The following CNTN1 variants were observed in gnomAD, a reference collection of about 807,000 sequenced individuals.
CNTN1 encodes contactin 1, also known as contactin-1.
A neutral mutation model predicts 126.4 loss-of-function variants in CNTN1; 38 were observed. The observed-to-expected ratio is 0.30, with a 90% confidence interval of 0.23 to 0.39. The LOEUF (loss-of-function observed/expected upper bound fraction) is 0.39, where lower values mean the gene tolerates loss of function less well. Ranked by LOEUF, CNTN1 falls within the 10% of genes least tolerant of loss-of-function variation. CNTN1 has a pLI of 1.00. For missense variants in CNTN1, 1,009 were observed against 1,248.4 expected (o/e 0.81, Z 2.89); for synonymous variants, 413 against 422.6 (o/e 0.98, Z 0.28).
intron 1 of CNTN1, among the ~76,000 whole-genome samples, chr12:40,889,918 A>G (rs12297672): frequency 3.3e-5 from 5 of 151,996 alleles, no homozygotes; most frequent in Non-Finnish European, 7.4e-5. Flanking sequence ...AATTTTGAAG[A>G]TTAAAGGTAT....
chr12:40,856,554 A>G (rs1256474124), intron 1 of CNTN1, among the ~76,000 whole-genome samples: 7 of 152,164 alleles, frequency 4.6e-5, no homozygotes, highest in Admixed American at 1.3e-4. Context: ...AGATGCAGAG[A>G]AAGCACAAAG....
chr12:40,750,241 G>T (rs1938353317), intron 1 of CNTN1, among the ~76,000 whole-genome samples: 1 of 152,042 alleles, frequency 6.6e-6, no homozygotes, highest in Non-Finnish European at 1.5e-5. Context: ...AATCAGGTTT[G>T]CATGATGATG....
chr12:40,935,428 T>A (rs1228550379), intron 9 of CNTN1, among the ~76,000 whole-genome samples: 4 of 152,036 alleles, frequency 2.6e-5, no homozygotes, highest in African/African-American at 9.7e-5. Flanking sequence ...TTACAGAAGG[T>A]AATTTAAGAG....
intron 14 of CNTN1, among the ~76,000 whole-genome samples, chr12:40,952,992 T>C (rs1946744640): frequency 6.6e-6 from 1 of 152,168 alleles, no homozygotes. Flanking sequence ...GAGCTCTAAG[T>C]TTTATCTAGA....
chr12:40,739,260 A>T (rs987925621), intron 1 of CNTN1, among the ~76,000 whole-genome samples: 1 of 152,056 alleles, frequency 6.6e-6, no homozygotes, highest in African/African-American at 2.4e-5. Flanking sequence ...AAAAACTTGG[A>T]TAGTCAATAA....
intron 23 of CNTN1, among the ~76,000 whole-genome samples, chr12:41,063,582 C>T (rs751973338): frequency 1.3e-4 from 20 of 152,130 alleles, no homozygotes; most frequent in Admixed American, 3.3e-4. Context: ...GGCAAAGTAC[C>T]GTTCCTCCTG....
At chr12:41,004,755 C>T (rs932755413) in intron 17 of CNTN1, among the ~76,000 whole-genome samples, 1 of 152,138 alleles carries the variant, frequency 6.6e-6, no homozygotes, top group Admixed American at 6.5e-5. Flanking sequence ...ATTGCAAACC[C>T]TACTTTTTAC....
Position 41,024,378 on chromosome 12 carries a change from C to A in CNTN1, c.2524-772C>A, listed in dbSNP as rs564680829. 9.2e-5 allele frequency among the ~76,000 whole-genome samples: 14 copies of A among 151,686 alleles called. No individual in the cohort carries two copies. The South Asian group carries it at 2.9e-3, about 32-fold the overall frequency. On this transcript the variant is annotated intron_variant, in intron 20 of 23. Coordinates refer to ENST00000551295, the MANE Select transcript of CNTN1 (RefSeq NM_001843.4). ...CATATTTTTATTCATTTTATTCATACCTTAGATATAATTATAAATCTTGAA... is the reference window on the plus strand; with the variant it reads ...CATATTTTTATTCATTTTATTCATAACTTAGATATAATTATAAATCTTGAA...
At chr12:40,905,235 A>C (rs1944766299) in intron 1 of CNTN1, among the ~76,000 whole-genome samples, 1 of 152,182 alleles carries the variant, frequency 6.6e-6, no homozygotes, top group Non-Finnish European at 1.5e-5. Context: ...ATTTACTGAG[A>C]TATCTTGCTG....
Position 40,866,317 on chromosome 12 carries a change from A to G in CNTN1, c.-76-42040A>G, listed in dbSNP as rs542033648. 1.2e-3 allele frequency among the ~76,000 whole-genome samples: 189 copies of G among 151,998 alleles called. 1 individual carries two copies. Among genetic ancestry groups the G allele is most frequent in the Non-Finnish European group, 2.1e-3 (143 of 67,944 alleles). On this transcript the variant is annotated intron_variant, in intron 1 of 23. Coordinates refer to ENST00000551295, the MANE Select transcript of CNTN1 (RefSeq NM_001843.4). The stretch of plus-strand genomic sequence containing the variant: ...TTTATTTTATTTCTATTTCTTATCT[A>G]TTTGCTCTGTCCAGAACTTTCAGTA...
At chr12:40,777,579 T>TA (rs1939638785) in intron 1 of CNTN1, among the ~76,000 whole-genome samples, 1 of 151,812 alleles carries the variant, frequency 6.6e-6, no homozygotes, top group Non-Finnish European at 1.5e-5. Context: ...TCCTTCTTTT[T>TA]AAAAAAGTCA....
intron 1 of CNTN1, among the ~76,000 whole-genome samples, chr12:40,751,093 G>A (rs574332973): frequency 6.6e-6 from 1 of 152,066 alleles, no homozygotes; most frequent in Non-Finnish European, 1.5e-5. Context: ...CATTTATAGA[G>A]TGTTCAGTTT....
chr12:40,952,495 T>A (rs1251367814), intron 14 of CNTN1, among the ~76,000 whole-genome samples: 1 of 152,086 alleles, frequency 6.6e-6, no homozygotes, highest in East Asian at 1.9e-4. Flanking sequence ...GCAGTAACAA[T>A]AGAAGTTATA....
chr12:40,924,365 C>CATA (rs1270639378), intron 5 of CNTN1, among the ~76,000 whole-genome samples, 192 bp from the exon 6 acceptor site: 1 of 152,038 alleles, frequency 6.6e-6, no homozygotes, highest in African/African-American at 2.4e-5. Context: ...GAGCTCATAA[C>CATA]AGAACTTTTT....
intron 1 of CNTN1, among the ~76,000 whole-genome samples, chr12:40,840,612 A>AT (rs35053630): frequency 0.16 from 23,654 of 151,864 alleles, 1,851 homozygotes; most frequent in Middle Eastern, 0.21. Context: ...AGTCTCATCA[A>AT]TTTTTTTTAA....
chr12:40,759,654 A>C lies in CNTN1; in HGVS notation c.-77+67062A>C, dbSNP rs1357209855. On this transcript the variant is annotated intron_variant, in intron 1 of 23. Transcript: ENST00000551295. ...CTAATTTTCTGTATTTTTTTTGTAG[A>C]GATGTGGTCTTGCTGTGTTGCCCAG... is the stretch of plus-strand genomic sequence containing the variant. 2.6e-5 allele frequency among the ~76,000 whole-genome samples: 4 copies of C among 151,704 alleles called. No individual in the cohort carries two copies. The East Asian group carries it at 5.9e-4, about 22-fold the overall frequency.
intron 1 of CNTN1, among the ~76,000 whole-genome samples, chr12:40,841,865 A>ATTCT (rs1942297486): frequency 6.6e-6 from 1 of 152,096 alleles, no homozygotes; most frequent in African/African-American, 2.4e-5. Flanking sequence ...AAGAACTAGA[A>ATTCT]GAAGACAAGG....
intron 1 of CNTN1, among the ~76,000 whole-genome samples, chr12:40,764,951 ATATTT>A (rs1169466581): frequency 7.9e-5 from 12 of 152,288 alleles, no homozygotes; most frequent in African/African-American, 2.6e-4. Flanking sequence ...ATTAGAGAAC[ATATTT>A]TATTTTATCT....
chr12:40,781,788 C>A (rs1939815876), intron 1 of CNTN1, among the ~76,000 whole-genome samples: 1 of 151,938 alleles, frequency 6.6e-6, no homozygotes, highest in Non-Finnish European at 1.5e-5. Flanking sequence ...CAATTGTTCT[C>A]TATTATAGTC....
Sources: gnomAD v4.1 joint callset for allele counts (sites outside exome capture counted in the v4.1 genomes callset) on GRCh38, gnomAD v4.1.1 for gene constraint, MANE v1.5 for transcripts, NCBI Gene and HGNC (gene_info 2026-07-23, HGNC 2026-07-21) for gene names.